Variants in TANC1 observed in about 807,000 individuals in gnomAD.
TANC1 encodes protein TANC1.
In TANC1, 77 loss-of-function variants were observed where a neutral mutation model predicts 149.7. The ratio of observed to expected loss-of-function variants is 0.51; its 90% CI spans 0.43 to 0.62. TANC1 has a LOEUF of 0.62. Ranked by LOEUF, TANC1 falls within the 20% of genes least tolerant of loss-of-function variation. The pLI is 0.00. For synonymous variants in TANC1, 854 were observed against 925.0 expected, an observed-to-expected ratio of 0.92 and a Z score of 1.39; for missense variants, 1,985 against 2,321.8, an observed-to-expected ratio of 0.85 and a Z score of 2.98.
intron 2 of TANC1, among the ~76,000 whole-genome samples, chr2:159,063,571 A>G (rs2042422147): frequency 6.6e-6 from 1 of 152,072 alleles, no homozygotes. Context: ...TTATTTTTGC[A>G]CTCAGGTATA....
chr2:158,983,816 G>T (rs1202229140), intron 1 of TANC1, among the ~76,000 whole-genome samples: 1 of 152,200 alleles, frequency 6.6e-6, no homozygotes, highest in Non-Finnish European at 1.5e-5. Flanking sequence ...GAGAAATGGG[G>T]ATTCTCCTTA....
rs953562844 is a variant in TANC1, at chr2:159,118,951, C to T, written c.260-17243C>T. On this transcript the variant is annotated intron_variant, in intron 4 of 26. Coordinates refer to ENST00000263635, the MANE Select transcript of TANC1 (RefSeq NM_033394.3). ...CATGACTGGGTACACAAACAGCAGA[C>T]ATCTTAAAGTAAAAAATCTCTGTAG... is the stretch of plus-strand genomic sequence containing the variant. Among the ~76,000 whole-genome samples, 20 of 152,316 alleles carry T rather than the reference C, an allele frequency of 1.3e-4. 1 individual carries two copies. The highest frequency in any genetic ancestry group is 1.0e-3 in the South Asian group (5 of 4,818).
chr2:159,203,209 CTTTT>C (rs56319016), intron 19 of TANC1, among the ~76,000 whole-genome samples: 1 of 101,664 alleles, frequency 9.8e-6, no homozygotes, highest in Non-Finnish European at 2.4e-5. Context: ...CTTTTCTTTT[CTTTT>C]TTTTTTTTTT....
chr2:159,062,339 T>C (rs2042294811), intron 2 of TANC1, among the ~76,000 whole-genome samples: 1 of 152,254 alleles, frequency 6.6e-6, no homozygotes, highest in South Asian at 2.1e-4. Context: ...TATCCATAAG[T>C]ACTTCCTTAC....
In TANC1 at chr2:159,013,836, A is replaced by G. The variant is rs151195470; in HGVS notation, c.-16+12647A>G. 4.3e-3 allele frequency among the ~76,000 whole-genome samples: 653 copies of G among 152,288 alleles called. 4 individuals are homozygous for G. Among genetic ancestry groups the G allele is most frequent in the Non-Finnish European group, 7.9e-3 (535 of 68,022 alleles). ...CAGAAATGTATTGTCTCAGAGTTAT[A>G]CAGAGGCTGGAAGTCCCAGATCAAG... On this transcript the variant is annotated intron_variant, in intron 2 of 26. Coordinates refer to ENST00000263635, the MANE Select transcript of TANC1 (RefSeq NM_033394.3).
chr2:159,163,696 T>A, intron 8 of TANC1, 150 bp downstream of exon 8: 1 of 758,558 alleles, frequency 1.3e-6, no homozygotes, highest in Non-Finnish European at 2.1e-6. Context: ...AGTTTACTAA[T>A]CTGTAAACAC....
intron 3 of TANC1, among the ~76,000 whole-genome samples, chr2:159,074,652 G>A (rs1258930812): frequency 6.6e-6 from 1 of 152,150 alleles, no homozygotes; most frequent in African/African-American, 2.4e-5. Context: ...TATCTAGAAA[G>A]CTTCTTTCCA....
At chr2:159,111,313 G>A (rs558858652) in intron 4 of TANC1, among the ~76,000 whole-genome samples, 6 of 152,290 alleles carry the variant, frequency 3.9e-5, no homozygotes, top group Admixed American at 6.5e-5. Context: ...ACAAAACTCC[G>A]GTTGAAACTG....
intron 4 of TANC1, among the ~76,000 whole-genome samples, chr2:159,124,306 T>G (rs1030918515): frequency 6.6e-6 from 1 of 152,132 alleles, no homozygotes; most frequent in Non-Finnish European, 1.5e-5. Flanking sequence ...ATCGCACCAC[T>G]GCACTCCATC....
intron 26 of TANC1, 53 bp downstream of exon 26, chr2:159,228,949 A>G (rs1575390661): frequency 7.0e-7 from 1 of 1,426,762 alleles, no homozygotes; most frequent in African/African-American, 1.4e-5. Flanking sequence ...GTGGGATCAA[A>G]CCTGCCTGTT....
In TANC1 at chr2:159,047,777, T is replaced by C. The variant is rs1014331219; in HGVS notation, c.-15-18119T>C. On this transcript the variant is annotated intron_variant, in intron 2 of 26. Transcript: ENST00000263635. ...ACATGTCATCAGGACCTCCTGAGGC[T>C]GTCTGAAGGGCATGCATCCTCAACC... is the stretch of plus-strand genomic sequence containing the variant. Among the ~76,000 whole-genome samples the C allele has an allele frequency of 3.9e-5, 6 of 152,338 alleles. No individual in the cohort carries two copies. In the East Asian group the frequency reaches 1.2e-3, roughly 29 times the overall value.
At chr2:159,169,865 T>C (rs1011575312) in intron 9 of TANC1, among the ~76,000 whole-genome samples, 10 of 152,130 alleles carry the variant, frequency 6.6e-5, no homozygotes, top group African/African-American at 2.2e-4. Flanking sequence ...TGGTGGCAGG[T>C]ACCTGTAATC....
intron 26 of TANC1, 120 bp downstream of exon 26, chr2:159,229,016 G>T: frequency 1.4e-6 from 1 of 715,468 alleles, no homozygotes; most frequent in Non-Finnish European, 2.4e-6. Flanking sequence ...ATCCTTTTTA[G>T]TAGTGAATTA....
At chr2:159,215,667 C>G (rs2059295182) in intron 19 of TANC1, among the ~76,000 whole-genome samples, 1 of 152,194 alleles carries the variant, frequency 6.6e-6, no homozygotes, top group Admixed American at 6.5e-5. Flanking sequence ...CAAACCAGGT[C>G]CCGCCCTTGC....
At chr2:158,987,612 C>T (rs576004093) in intron 1 of TANC1, among the ~76,000 whole-genome samples, 2 of 152,274 alleles carry the variant, frequency 1.3e-5, no homozygotes, top group African/African-American at 4.8e-5. Context: ...TAGTCCTAAC[C>T]AGCCTAGGTT....
At chr2:159,122,746 A>G (rs919108593) in intron 4 of TANC1, among the ~76,000 whole-genome samples, 1 of 144,354 alleles carries the variant, frequency 6.9e-6, no homozygotes, top group Non-Finnish European at 1.5e-5. Flanking sequence ...AGTGGGTATC[A>G]ATTCTTTTTC....
At chr2:159,000,267 G>A (rs572181681) in intron 1 of TANC1, among the ~76,000 whole-genome samples, 1 of 152,114 alleles carries the variant, frequency 6.6e-6, no homozygotes, top group Admixed American at 6.5e-5. Context: ...GAAAAGCCGA[G>A]GCAGGTGCAT....
At chr2:158,973,274 C>T (rs2033162756) in intron 1 of TANC1, among the ~76,000 whole-genome samples, 2 of 152,284 alleles carry the variant, frequency 1.3e-5, no homozygotes, top group African/African-American at 4.8e-5. Flanking sequence ...CACAGTGACT[C>T]AACCTCTTCC....
intron 2 of TANC1, among the ~76,000 whole-genome samples, chr2:159,019,651 C>CTTTTTTTTTTTTTT (rs2038620199): frequency 1.6e-5 from 1 of 61,278 alleles, no homozygotes; most frequent in Non-Finnish European, 3.4e-5. Context: ...TGCTTTCTTT[C>CTTTTTTTTTTTTTT]TGTTTTTTTT....
Sources: allele counts gnomAD v4.1 joint callset (sites outside exome capture counted in the v4.1 genomes callset), GRCh38; gene constraint gnomAD v4.1.1; transcripts MANE v1.5; gene names NCBI Gene and HGNC (gene_info 2026-07-23, HGNC 2026-07-21).